MCUB: variants seen among roughly 807,000 people sequenced by gnomAD.
The protein encoded by MCUB is mitochondrial calcium uniporter dominant negative subunit beta, also known as calcium uniporter regulatory subunit MCUb, mitochondrial.
MCUB carries 46 observed loss-of-function variants against 41.4 expected under a neutral mutation model. That is an observed-to-expected ratio of 1.11 (90% CI 0.88 to 1.42). The LOEUF (loss-of-function observed/expected upper bound fraction) is 1.42. MCUB is among the 40% of genes most tolerant of loss of function. MCUB has a pLI of 0.00. For synonymous variants in MCUB, 148 were observed against 148.2 expected, an observed-to-expected ratio of 1.00 and a Z score of 0.01; for missense variants, 403 against 404.9, an observed-to-expected ratio of 1.00 and a Z score of 0.04.
In MCUB at chr4:109,563,974, A is replaced by G. The variant is rs891029520; in HGVS notation, c.99+3538A>G. Among the ~76,000 whole-genome samples, 5 of 152,344 alleles carry G rather than the reference A, an allele frequency of 3.3e-5. No individual in the cohort carries two copies. The South Asian group carries it at 1.0e-3, about 32-fold the overall frequency. ...TAGTAAATATCATAAGATCCTCAGG[A>G]AGAACTCATATTTGTGGGGTGACCC... is the stretch of plus-strand genomic sequence containing the variant. On this transcript the variant is annotated intron_variant, in intron 1 of 7. Transcript: ENST00000394650.
intron 1 of MCUB, among the ~76,000 whole-genome samples, chr4:109,628,814 G>A (rs1243008219): frequency 2.0e-5 from 3 of 152,200 alleles, no homozygotes; most frequent in South Asian, 4.1e-4. Flanking sequence ...GGACGTGGGC[G>A]CAGGCCCTGC....
intron 1 of MCUB, among the ~76,000 whole-genome samples, chr4:109,587,681 G>C (rs1439030021): frequency 6.6e-6 from 1 of 152,114 alleles, no homozygotes; most frequent in Admixed American, 6.5e-5. Flanking sequence ...TTTAAAAAAA[G>C]GTTCTAGATT....
chr4:109,664,066 G>A (rs1729290358), intron 3 of MCUB, among the ~76,000 whole-genome samples: 1 of 152,210 alleles, frequency 6.6e-6, no homozygotes, highest in Admixed American at 6.5e-5. Flanking sequence ...GGTGGGAGAG[G>A]GAGTGCCTGC....
intron 1 of MCUB, among the ~76,000 whole-genome samples, chr4:109,579,276 A>C (rs891108097): frequency 2.7e-5 from 4 of 149,030 alleles, no homozygotes; most frequent in African/African-American, 9.8e-5. Context: ...TTTGAGACGG[A>C]GTCTCGCTCT....
intron 1 of MCUB, among the ~76,000 whole-genome samples, chr4:109,614,444 G>C (rs557669126): frequency 6.6e-6 from 1 of 151,920 alleles, no homozygotes; most frequent in African/African-American, 2.4e-5. Flanking sequence ...AGAAGAAACA[G>C]GGCAGAGTTG....
At chr4:109,671,406 G>T (rs577388154) in intron 4 of MCUB, among the ~76,000 whole-genome samples, 5 of 151,804 alleles carry the variant, frequency 3.3e-5, no homozygotes, top group South Asian at 2.1e-4. Flanking sequence ...ATTTTGTTAG[G>T]TTTTTTTTCC....
At chr4:109,572,212 G>C (rs181073051) in intron 1 of MCUB, among the ~76,000 whole-genome samples, 134 of 152,366 alleles carry the variant, frequency 8.8e-4, no homozygotes, top group Non-Finnish European at 1.4e-3. Context: ...AATAGAAAAG[G>C]ATATAGTCTT....
intron 7 of MCUB, among the ~76,000 whole-genome samples, chr4:109,686,540 C>T (rs1265206501): frequency 6.6e-6 from 1 of 152,092 alleles, no homozygotes; most frequent in Non-Finnish European, 1.5e-5. Flanking sequence ...TTGAATAATC[C>T]TATCTGAGAA....
chr4:109,563,392 G>T (rs983509982), intron 1 of MCUB, among the ~76,000 whole-genome samples: 1 of 152,034 alleles, frequency 6.6e-6, no homozygotes, highest in African/African-American at 2.4e-5. Flanking sequence ...CTTAGAAATT[G>T]TTTTCATCTT....
chr4:109,645,438 A>C (rs901498194), intron 1 of MCUB, among the ~76,000 whole-genome samples: 1 of 149,836 alleles, frequency 6.7e-6, no homozygotes, highest in African/African-American at 2.5e-5. Flanking sequence ...AATCTATTCC[A>C]ATCTTCTAAA....
At chr4:109,564,316 G>A (rs941272406) in intron 1 of MCUB, among the ~76,000 whole-genome samples, 1 of 151,828 alleles carries the variant, frequency 6.6e-6, no homozygotes, top group African/African-American at 2.4e-5. Context: ...TTGTATTTTA[G>A]TAGAGACCGG....
intron 1 of MCUB, among the ~76,000 whole-genome samples, chr4:109,651,919 T>G (rs1025722602): frequency 9.9e-5 from 15 of 152,208 alleles, no homozygotes; most frequent in African/African-American, 3.4e-4. Flanking sequence ...TTCATCCCAT[T>G]TGGGCTATGA....
chr4:109,638,739 C>G (rs574780754), intron 1 of MCUB, among the ~76,000 whole-genome samples: 2 of 152,344 alleles, frequency 1.3e-5, no homozygotes, highest in African/African-American at 2.4e-5. Context: ...AACTCTGCCA[C>G]TGCTTTATCA....
chr4:109,573,359 A>T (rs1726957414), intron 1 of MCUB, among the ~76,000 whole-genome samples: 1 of 151,966 alleles, frequency 6.6e-6, no homozygotes, highest in Non-Finnish European at 1.5e-5. Flanking sequence ...AGGCTGCGGC[A>T]GCAGAACCGC....
At chr4:109,675,997 A>C (rs1169155804) in intron 4 of MCUB, among the ~76,000 whole-genome samples, 2 of 152,212 alleles carry the variant, frequency 1.3e-5, no homozygotes, top group Non-Finnish European at 2.9e-5. Context: ...AGCAGAAAAC[A>C]GATTAAGACA....
chr4:109,663,178 G>A (rs3796912), intron 3 of MCUB, among the ~76,000 whole-genome samples: 107,280 of 152,076 alleles, frequency 0.71, 38,524 homozygotes, highest in African/African-American at 0.84. Flanking sequence ...ATGTCAGGCC[G>A]GGATTTGAAA....
In MCUB at chr4:109,624,327, G is replaced by A. The variant is rs117439739; in HGVS notation, c.100-34684G>A. ...ACTATGCCAGGCATTTGCTCCGGCT[G>A]TTGAAGTGAATGAATCTGGCTGAAT... On this transcript the variant is annotated intron_variant, in intron 1 of 7. Coordinates refer to ENST00000394650, the MANE Select transcript of MCUB (RefSeq NM_017918.5). Among the ~76,000 whole-genome samples the A allele has an allele frequency of 5.6e-3, 851 of 152,350 alleles. 25 individuals are homozygous for A. The East Asian group carries it at 0.065, about 12-fold the overall frequency.
intron 1 of MCUB, among the ~76,000 whole-genome samples, chr4:109,605,491 T>C (rs921149826): frequency 6.6e-6 from 1 of 152,238 alleles, no homozygotes; most frequent in African/African-American, 2.4e-5. Flanking sequence ...GAAGAGAAGA[T>C]TGTGTATTCT....
intron 1 of MCUB, among the ~76,000 whole-genome samples, chr4:109,641,130 T>C (rs929621956): frequency 6.6e-6 from 1 of 151,792 alleles, no homozygotes; most frequent in African/African-American, 2.4e-5. Context: ...TTTAGAGGAG[T>C]CTCACTCTGT....
Sources: allele counts gnomAD v4.1 joint callset (sites outside exome capture counted in the v4.1 genomes callset), GRCh38; gene constraint gnomAD v4.1.1; transcripts MANE v1.5; gene names NCBI Gene and HGNC (gene_info 2026-07-23, HGNC 2026-07-21).